The following FMO5 variants were observed in gnomAD, a reference collection of about 807,000 sequenced individuals.
The protein encoded by FMO5 is flavin-containing monooxygenase 5.
FMO5 carries 51 observed loss-of-function variants against 43.6 expected under a neutral mutation model. The observed-to-expected ratio is 1.17, with a 90% CI of 0.93 to 1.48. FMO5 has a LOEUF of 1.48. Among genes scored for constraint, FMO5 ranks in the 40% most tolerant of loss-of-function variants. The pLI is 0.00. For synonymous variants in FMO5, 187 were observed against 216.5 expected (o/e 0.86, Z 1.20); for missense variants, 644 against 643.0 (o/e 1.00, Z -0.02).
At chr1:147,225,133 C>G in intron 1 of FMO5, 67 bp from the exon 2 acceptor site, 3 of 1,576,542 alleles carry the variant, frequency 1.9e-6, no homozygotes, top group Non-Finnish European at 2.6e-6. Flanking sequence ...AGACCTTGGC[C>G]GTGGCATTCG....
At chr1:147,223,941 T>A in intron 2 of FMO5, 1 of 377,028 alleles carries the variant, frequency 2.7e-6, no homozygotes, top group Non-Finnish European at 5.2e-6. Context: ...GATACCCCCA[T>A]CGAGACACCA....
chr1:147,200,312 A>ATATC (rs1433956652), intron 7 of FMO5, among the ~76,000 whole-genome samples: 1 of 152,148 alleles, frequency 6.6e-6, no homozygotes, highest in African/African-American at 2.4e-5. Flanking sequence ...GGAAATTCTC[A>ATATC]TATCTCTCCT....
intron 6 of FMO5, among the ~76,000 whole-genome samples, chr1:147,206,614 A>G (rs61839171): frequency 1.3e-5 from 2 of 152,138 alleles, no homozygotes; most frequent in Non-Finnish European, 2.9e-5. Context: ...TCCTTTGTAG[A>G]GACATGGATG....
rs1553924958 is a variant in FMO5 at position 147,215,901 on chromosome 1, C to T, written c.177G>A (p.Val59=). The change falls in exon 3 of 9, where the codon GTG becomes GTA. Residue 59 remains valine (V), a synonymous_variant. Coordinates refer to ENST00000254090, the MANE Select transcript of FMO5 (RefSeq NM_001461.4). ...TCATCTCTTTAGAAGTATTGATGAT[C>T]ACTGATTTGTAAATACTGGCCCTTC... The part of the protein sequence containing the change: ...EEGRASIYKS[V]IINTSKEMMC... 14 of 1,612,424 alleles carry T rather than the reference C, an allele frequency of 8.7e-6. No homozygotes were observed. Among genetic ancestry groups the T allele is most frequent in the Non-Finnish European group, 1.2e-5 (14 of 1,179,354 alleles).
rs201890460 is a variant in FMO5 at position 147,201,308 on chromosome 1, C to T, written c.1027G>A (p.Val343Ile). Residue 343 changes from valine to isoleucine, a missense_variant, in exon 7 of 9, where the codon GTC becomes ATC. Physicochemically the swap from Val to Ile is conservative, Grantham distance 29 (BLOSUM62 3). Coordinates refer to ENST00000254090, the MANE Select transcript of FMO5 (RefSeq NM_001461.4). ...GATATCTTGTTTTTGACCACTTTGA[C>T]GGAATCTTCCAGAAATGGAAAGTCA... ...SFDFPFLEDSVKVVKNKISLY... is the reference protein window; with the variant it reads ...SFDFPFLEDSIKVVKNKISLY... 2.1e-4 allele frequency: 344 copies of T among 1,614,122 alleles called. 2 individuals carry two copies. Among genetic ancestry groups the T allele is most frequent in the South Asian group, 1.8e-3 (166 of 91,084 alleles).
At chr1:147,209,115 C>A in intron 5 of FMO5, 64 bp from the exon 6 acceptor site, 2 of 1,423,096 alleles carry the variant, frequency 1.4e-6, no homozygotes, top group Admixed American at 3.7e-5. Flanking sequence ...AAAGCACCCC[C>A]ATTTTCTTCA....
chr1:147,215,729 C>G, intron 3 of FMO5, 25 bp downstream of exon 3: 1 of 1,537,936 alleles, frequency 6.5e-7, no homozygotes, highest in African/African-American at 1.4e-5. Flanking sequence ...ACTTCAAACA[C>G]AAAGATACCC....
rs1485016550 is a variant in FMO5 at position 147,186,602 on chromosome 1, C to T, written c.*298G>A. 15 of 1,100,684 alleles carry T rather than the reference C, an allele frequency of 1.4e-5. No homozygotes were observed. The highest frequency in any genetic ancestry group is 1.7e-5 in the Non-Finnish European group (15 of 905,004). 68.2% of individuals were successfully genotyped at this position (1,100,684 alleles called of 1,614,324 possible). The stretch of plus-strand genomic sequence containing the variant: ...ATAAACAACAAACATTTATTAAGCA[C>T]CTACCACATGTCAAGAACTCTGCTA... On this transcript the variant is annotated 3_prime_UTR_variant, in exon 9 of 9. Coordinates refer to ENST00000254090, the MANE Select transcript of FMO5 (RefSeq NM_001461.4).
At chr1:147,203,405 A>T in intron 6 of FMO5, 1 of 940,348 alleles carries the variant, frequency 1.1e-6, no homozygotes, top group Non-Finnish European at 1.8e-6. Context: ...TTGATAGACC[A>T]GTGTTTTCCC....
chr1:147,194,331 C>T (rs1657523613), intron 7 of FMO5, among the ~76,000 whole-genome samples: 1 of 151,984 alleles, frequency 6.6e-6, no homozygotes, highest in Admixed American at 6.6e-5. Flanking sequence ...GATTGCAACC[C>T]CTGCCTTTTT....
chr1:147,206,320 G>A (rs587628991), intron 6 of FMO5, among the ~76,000 whole-genome samples: 10 of 152,292 alleles, frequency 6.6e-5, no homozygotes, highest in Admixed American at 3.9e-4. Flanking sequence ...CTGTTGGTGG[G>A]ACTGTAAACT....
chr1:147,190,382 C>T lies in FMO5; in HGVS notation c.1184-133G>A, dbSNP rs896158064. 3.3e-5 allele frequency: 19 copies of T among 583,302 alleles called. 1 individual carries two copies. In the African/African-American group the frequency reaches 3.4e-4, roughly 10 times the overall value. The allele number at this position is 583,302 out of a possible 1,614,324, so 36.1% of individuals were successfully genotyped here. ...TCCTGTACTCAAGGAGGTTACAATT[C>T]ACTTGATCACCTTACCACCACCACA... On this transcript the variant is annotated intron_variant, in intron 7 of 8. Coordinates refer to ENST00000254090, the MANE Select transcript of FMO5 (RefSeq NM_001461.4).
intron 7 of FMO5, among the ~76,000 whole-genome samples, chr1:147,194,529 T>G (rs1487800661): frequency 2.0e-5 from 3 of 152,200 alleles, no homozygotes; most frequent in Non-Finnish European, 4.4e-5. Flanking sequence ...TATTGTTATG[T>G]GTGAATTTGG....
intron 6 of FMO5, chr1:147,204,128 C>T (rs1268279593): frequency 2.6e-5 from 28 of 1,059,462 alleles, no homozygotes; most frequent in Non-Finnish European, 4.0e-5. Context: ...TTCTCCCTTA[C>T]TTAAATTCAT....
rs1661418966 is a variant in FMO5, at chr1:147,213,483, G to C, written c.325-13C>G. Reference sequence around the variant, plus strand: ...TGCACACAGTGGTCTGAAAAGAAAAGTGATAACCACAGGGGACATCCCTGA... The same window carrying C: ...TGCACACAGTGGTCTGAAAAGAAAACTGATAACCACAGGGGACATCCCTGA... On this transcript the variant is annotated splice_polypyrimidine_tract_variant and intron_variant, in intron 3 of 8. Transcript: ENST00000254090. 1.3e-6 allele frequency: 2 copies of C among 1,590,092 alleles called. No individual in the cohort carries two copies. Among genetic ancestry groups the C allele is most frequent in the Non-Finnish European group, 1.7e-6 (2 of 1,168,528 alleles).
At chr1:147,221,104 A>G (rs1481593806) in intron 2 of FMO5, among the ~76,000 whole-genome samples, 1 of 137,354 alleles carries the variant, frequency 7.3e-6, no homozygotes. Context: ...ATTCTACAGC[A>G]TACCTGGCCC....
chr1:147,225,099 A>G, intron 1 of FMO5, 33 bp from the exon 2 acceptor site: 1 of 1,606,096 alleles, frequency 6.2e-7, no homozygotes, highest in South Asian at 1.1e-5. Context: ...CAAAAAGCAC[A>G]CATCGGTTAA....
intron 5 of FMO5, chr1:147,211,186 T>G (rs939352692): frequency 3.3e-5 from 5 of 152,204 alleles, no homozygotes; most frequent in African/African-American, 4.8e-5. Flanking sequence ...AAATGCTTTG[T>G]TATGTGGCAA....
intron 5 of FMO5, among the ~76,000 whole-genome samples, chr1:147,211,970 T>C (rs1553923809): frequency 6.6e-6 from 1 of 152,178 alleles, no homozygotes; most frequent in Non-Finnish European, 1.5e-5. Context: ...AGTGAAAAGT[T>C]TCCAATGATC....
Sources: allele counts gnomAD v4.1 joint callset (sites outside exome capture counted in the v4.1 genomes callset), GRCh38; gene constraint gnomAD v4.1.1; transcripts MANE v1.5; gene names NCBI Gene and HGNC (gene_info 2026-07-23, HGNC 2026-07-21).